Variants in ADAMTSL1 observed in about 807,000 individuals in gnomAD.
ADAMTSL1 encodes ADAMTS-like protein 1.
A neutral mutation model predicts 201.8 loss-of-function variants in ADAMTSL1; 126 were observed. That is an observed-to-expected ratio of 0.62 (90% CI 0.54 to 0.72). The LOEUF is 0.72. Among genes scored for constraint, ADAMTSL1 ranks in the 30% least tolerant of loss-of-function variants. The pLI is 0.00. For synonymous variants in ADAMTSL1, 1,121 were observed against 903.4 expected, an observed-to-expected ratio of 1.24 and a Z score of -4.32; for missense variants, 2,679 against 2,277.8, an observed-to-expected ratio of 1.18 and a Z score of -3.59.
intron 15 of ADAMTSL1, among the ~76,000 whole-genome samples, chr9:18,734,328 T>C (rs1818389757): frequency 6.6e-6 from 1 of 152,186 alleles, no homozygotes; most frequent in African/African-American, 2.4e-5. Flanking sequence ...TGTTCTCACC[T>C]TTTTTCCTGA....
intron 4 of ADAMTSL1, among the ~76,000 whole-genome samples, chr9:18,594,120 A>G (rs1824102034): frequency 6.6e-6 from 1 of 151,840 alleles, no homozygotes; most frequent in South Asian, 2.1e-4. Context: ...TTTCTGAAGG[A>G]TATTTTTACA....
intron 1 of ADAMTSL1, among the ~76,000 whole-genome samples, chr9:18,004,122 G>A (rs1370316505): frequency 3.9e-5 from 6 of 151,962 alleles, no homozygotes; most frequent in South Asian, 4.1e-4. Flanking sequence ...TTAAAGGAAA[G>A]CAATTTTCAT....
intron 23 of ADAMTSL1, among the ~76,000 whole-genome samples, chr9:18,876,113 C>T (rs920642139): frequency 1.3e-5 from 2 of 151,984 alleles, no homozygotes; most frequent in Non-Finnish European, 2.9e-5. Flanking sequence ...TACCCCTTTA[C>T]CTTAAGTTTA....
chr9:18,798,599 G>A (rs537504466), intron 20 of ADAMTSL1, among the ~76,000 whole-genome samples: 2 of 152,192 alleles, frequency 1.3e-5, no homozygotes, highest in African/African-American at 2.4e-5. Flanking sequence ...CTCTCTGAAT[G>A]TCTCAGTGTC....
At chr9:18,247,091 A>G (rs1369562241) in intron 2 of ADAMTSL1, among the ~76,000 whole-genome samples, 5 of 152,174 alleles carry the variant, frequency 3.3e-5, no homozygotes, top group Non-Finnish European at 7.4e-5. Context: ...TCAAAGAGAT[A>G]CATGACAAAA....
intron 2 of ADAMTSL1, among the ~76,000 whole-genome samples, chr9:18,286,977 A>C (rs571191547): frequency 6.6e-6 from 1 of 152,276 alleles, no homozygotes; most frequent in East Asian, 1.9e-4. Context: ...ACTGTATAAA[A>C]CACTATCAGC....
chr9:18,170,061 A>G (rs948061462), intron 2 of ADAMTSL1, among the ~76,000 whole-genome samples: 7 of 151,982 alleles, frequency 4.6e-5, no homozygotes, highest in African/African-American at 7.2e-5. Flanking sequence ...AGAACATCCT[A>G]CATAGTTTGT....
intron 1 of ADAMTSL1, among the ~76,000 whole-genome samples, chr9:18,050,540 C>T (rs1032850356): frequency 2.0e-5 from 3 of 152,174 alleles, no homozygotes; most frequent in Non-Finnish European, 4.4e-5. Flanking sequence ...CTTATTTCAT[C>T]AAAATAAGCT....
chr9:18,099,739 G>A (rs932461061), intron 1 of ADAMTSL1, among the ~76,000 whole-genome samples: 13 of 148,294 alleles, frequency 8.8e-5, no homozygotes, highest in Admixed American at 2.7e-4. Flanking sequence ...CCGGGTTCAC[G>A]CCATTCTCTT....
intron 2 of ADAMTSL1, among the ~76,000 whole-genome samples, chr9:18,508,875 A>G (rs1817841986): frequency 6.6e-6 from 1 of 152,094 alleles, no homozygotes; most frequent in African/African-American, 2.4e-5. Flanking sequence ...TTTAGAATGT[A>G]TTTTGACTCT....
At chr9:18,575,231 G>A (rs1468344752) in intron 4 of ADAMTSL1, among the ~76,000 whole-genome samples, 1 of 152,108 alleles carries the variant, frequency 6.6e-6, no homozygotes, top group Admixed American at 6.5e-5. Flanking sequence ...TAGTGTAAAT[G>A]ACTATAAGAG....
rs115272863 is a variant in ADAMTSL1, at chr9:18,772,388, C to A, written c.2397+1607C>A. ...TTCAGAAAATGTTCTTTTGTGCCTG[C>A]AGATTTGAGGGGGACCTTTGAGATT... On this transcript the variant is annotated intron_variant, in intron 17 of 28. Coordinates refer to ENST00000380548, the MANE Select transcript of ADAMTSL1 (RefSeq NM_001040272.6). Among the ~76,000 whole-genome samples, 720 of 152,206 alleles carry A rather than the reference C, an allele frequency of 4.7e-3. 9 individuals carry two copies. Among genetic ancestry groups the A allele is most frequent in the African/African-American group, 0.016 (660 of 41,518 alleles).
At chr9:18,306,422 A>C (rs1833910658) in intron 2 of ADAMTSL1, among the ~76,000 whole-genome samples, 1 of 152,180 alleles carries the variant, frequency 6.6e-6, no homozygotes. Flanking sequence ...ATTCTAACCC[A>C]ATGCAAGGAA....
chr9:18,436,951 C>A lies in ADAMTSL1; in HGVS notation c.208-67878C>A, dbSNP rs1000444542. On this transcript the variant is annotated intron_variant, in intron 2 of 29. Transcript: ENST00000680146. ...TGACCCACCATAAAGTTGTAGCCAA[C>A]CCTAACAGACACTCTAGAGCTAAAA... Among the ~76,000 whole-genome samples the A allele has an allele frequency of 2.6e-5, 4 of 152,112 alleles. No homozygotes were observed. In the East Asian group the frequency reaches 7.7e-4, roughly 29 times the overall value.
At chr9:18,125,073 T>C (rs1825676131) in intron 1 of ADAMTSL1, among the ~76,000 whole-genome samples, 1 of 152,184 alleles carries the variant, frequency 6.6e-6, no homozygotes, top group African/African-American at 2.4e-5. Context: ...TATTAGTCCA[T>C]TTTCACACTG....
chr9:18,069,384 T>A (rs191738654), intron 1 of ADAMTSL1, among the ~76,000 whole-genome samples: 5 of 152,154 alleles, frequency 3.3e-5, no homozygotes, highest in Non-Finnish European at 2.9e-5. Flanking sequence ...AAGAAGGACA[T>A]ATTACACTGC....
chr9:18,799,640 C>T (rs1025725867), intron 20 of ADAMTSL1, among the ~76,000 whole-genome samples: 17 of 152,110 alleles, frequency 1.1e-4, no homozygotes, highest in African/African-American at 3.9e-4. Context: ...AAGATGAGGG[C>T]TGAGGGATGA....
chr9:18,175,755 T>G (rs1378201014), intron 2 of ADAMTSL1, among the ~76,000 whole-genome samples: 1 of 152,050 alleles, frequency 6.6e-6, no homozygotes, highest in Non-Finnish European at 1.5e-5. Flanking sequence ...GCCTTGTCTC[T>G]CCAAAGTCCT....
intron 23 of ADAMTSL1, among the ~76,000 whole-genome samples, chr9:18,859,268 T>A (rs931284736): frequency 6.6e-6 from 1 of 152,176 alleles, no homozygotes; most frequent in Non-Finnish European, 1.5e-5. Flanking sequence ...TTCCAGCTCC[T>A]CAAAGCCACC....
Sources: allele counts gnomAD v4.1 joint callset (sites outside exome capture counted in the v4.1 genomes callset), GRCh38; gene constraint gnomAD v4.1.1; transcripts MANE v1.5; gene names NCBI Gene and HGNC (gene_info 2026-07-23, HGNC 2026-07-21).